The following CHD4 variants were observed in gnomAD, a reference collection of about 807,000 sequenced individuals.
CHD4 encodes ATP-dependent chromatin remodeler CHD4.
Under a neutral mutation model 235.5 loss-of-function variants are expected in CHD4, and 35 were observed. The ratio of observed to expected loss-of-function variants is 0.15; its 90% CI spans 0.11 to 0.20. CHD4 has a LOEUF of 0.20. Ranked by LOEUF, CHD4 falls within the 10% of genes least tolerant of loss-of-function variation. The probability of loss-of-function intolerance (pLI) is 1.00; values close to 1 mark genes in which losing one functional copy is unlikely to be tolerated. For missense variants in CHD4, 1,329 were observed against 2,432.3 expected (o/e 0.55, Z 9.54); for synonymous variants, 900 against 850.2 (o/e 1.06, Z -1.02).
rs1014781637 is a variant in CHD4 at position 6,573,528 on chromosome 12, A to G, written c.5362-259T>C. The G allele has an allele frequency of 1.5e-5, 4 of 272,584 alleles. No homozygotes were observed. The Admixed American group carries it at 1.6e-4, about 11-fold the overall frequency. The allele number at this position is 272,584 out of a possible 1,614,324, so 16.9% of individuals were successfully genotyped here. On this transcript the variant is annotated intron_variant, in intron 37 of 39. Coordinates refer to ENST00000544040, the MANE Select transcript of CHD4 (RefSeq NM_001273.5). ...AAAAGCGATAAAAACTCAATTTAGA[A>G]AATAGAATATCAAAAATTTTTAACA...
intron 22 of CHD4, among the ~76,000 whole-genome samples, chr12:6,589,262 C>G (rs948153462): frequency 6.6e-6 from 1 of 152,162 alleles, no homozygotes; most frequent in Non-Finnish European, 1.5e-5. Flanking sequence ...GGTCCACTGA[C>G]GAATACTAAT....
chr12:6,596,047 G>C lies in CHD4; in HGVS notation c.1983C>G (p.Ile661Met). The change falls in exon 13 of 40, where the codon ATC becomes ATG. Residue 661 changes from isoleucine (I) to methionine (M), a missense_variant. Around this residue, in one of 26 missense-constraint regions of CHD4, gnomAD observed 121 missense variants for 177.8 expected, o/e 0.68. Coordinates refer to ENST00000544040, the MANE Select transcript of CHD4 (RefSeq NM_001273.5). ...QASWESEDVE[I>M]QDYDLFKQSY... ...TCTGCTTGAACAGGTCGTAATCCTG[G>C]ATCTCCACATCCTCACTCTCCCAAG... 1.2e-6 allele frequency: 2 copies of C among 1,613,790 alleles called. No homozygotes were observed. The highest frequency in any genetic ancestry group is 1.7e-6 in the Non-Finnish European group (2 of 1,179,960).
chr12:6,605,967 C>T (rs932047430), intron 2 of CHD4, among the ~76,000 whole-genome samples: 2 of 152,194 alleles, frequency 1.3e-5, no homozygotes, highest in African/African-American at 4.8e-5. Context: ...TCCCAGCTAC[C>T]TGCATTCCTC....
rs747340253 is a variant in CHD4, at chr12:6,601,376, C to G, written c.712G>C (p.Glu238Gln). Residue 238 changes from glutamate (E) to glutamine (Q), a missense_variant, in exon 6 of 40, where the codon GAG becomes CAG. By Grantham distance (29) the Glu-to-Gln change is conservative. Transcript: ENST00000544040. ...AAAAAAVAVV[E>Q]SMVTATEVAP... ...ACCTCAGTGGCTGTCACCATGCTCTCCACCACAGCTACCGCTGCTGCTGCC... is the reference window on the plus strand; with the variant it reads ...ACCTCAGTGGCTGTCACCATGCTCTGCACCACAGCTACCGCTGCTGCTGCC... The G allele has an allele frequency of 6.2e-7, 1 of 1,614,200 alleles. No individual in the cohort carries two copies. Among genetic ancestry groups the G allele is most frequent in the Non-Finnish European group, 8.5e-7 (1 of 1,180,044 alleles).
At chr12:6,592,279 G>T in intron 19 of CHD4, 114 bp downstream of exon 19, 1 of 1,386,680 alleles carries the variant, frequency 7.2e-7, no homozygotes, top group Non-Finnish European at 9.7e-7. Context: ...GTTTCTTCAG[G>T]CCTTGCTTGC....
chr12:6,583,413 T>C, intron 25 of CHD4, 35 bp from the exon 26 acceptor site: 1 of 1,563,654 alleles, frequency 6.4e-7, no homozygotes, highest in Non-Finnish European at 8.7e-7. Context: ...TCAGGAGTGC[T>C]GAAGTCAGCA....
intron 33 of CHD4, chr12:6,580,711 A>AAAAAAACAAAAC: frequency 4.8e-6 from 1 of 209,810 alleles, no homozygotes; most frequent in Non-Finnish European, 9.0e-6. Context: ...TTTGAAAAAA[A>AAAAAAACAAAAC]AAAAAAAAAA....
In CHD4 at chr12:6,570,363, T is replaced by TGAA. The variant is rs1443886449; in HGVS notation, c.*312_*313insTTC. ...GGAGGAAAAAATTCAGATCATTTTCTTCAAGCCTGGCAGGAACCCACAACA... is the reference window on the plus strand; with the variant it reads ...GGAGGAAAAAATTCAGATCATTTTCTGAATCAAGCCTGGCAGGAACCCACAACA... On this transcript the variant is annotated 3_prime_UTR_variant, in exon 40 of 40. Coordinates refer to ENST00000544040, the MANE Select transcript of CHD4 (RefSeq NM_001273.5). 1 of 391,792 alleles carries TGAA rather than the reference T, an allele frequency of 2.6e-6. No homozygotes were observed. The highest frequency in any genetic ancestry group is 4.6e-6 in the Non-Finnish European group (1 of 218,366). The allele number at this position is 391,792 out of a possible 1,614,324, so 24.3% of individuals were successfully genotyped here.
At chr12:6,572,942 G>A in intron 38 of CHD4, 132 bp downstream of exon 38, 2 of 843,366 alleles carry the variant, frequency 2.4e-6, no homozygotes, top group South Asian at 1.8e-5. Context: ...CCCAAGGATG[G>A]CAAAGATCCC....
Position 6,587,842 on chromosome 12 carries a change from T to C in CHD4, c.3573A>G (p.Lys1191=). ...EERITQVAKK[K]MMLTHLVVRP... is the part of the protein sequence containing the mutation. ...GCACCACTAGATGCGTCAGCATCAT[T>C]TTCTTCTTTGCCACCTGCGTGATGC... Residue 1191 remains lysine, a synonymous_variant, in exon 24 of 40, where the codon AAA becomes AAG. Transcript: ENST00000544040. The C allele has an allele frequency of 3.7e-6, 6 of 1,614,238 alleles. No individual in the cohort carries two copies. Among genetic ancestry groups the C allele is most frequent in the Non-Finnish European group, 5.1e-6 (6 of 1,180,042 alleles).
At chr12:6,606,163 C>T (rs1207016932) in intron 2 of CHD4, 111 bp downstream of exon 2, 1 of 718,436 alleles carries the variant, frequency 1.4e-6, no homozygotes, top group African/African-American at 1.9e-5. Flanking sequence ...CCCTCCACCT[C>T]CGGCTCTGCA....
At chr12:6,602,317 C>T in intron 3 of CHD4, 59 bp downstream of exon 3, 1 of 1,608,840 alleles carries the variant, frequency 6.2e-7, no homozygotes, top group Non-Finnish European at 8.5e-7. Flanking sequence ...CCCTTCAACC[C>T]TTCTCAGAGC....
intron 25 of CHD4, among the ~76,000 whole-genome samples, chr12:6,585,412 T>C (rs1359409421): frequency 1.3e-5 from 2 of 151,404 alleles, no homozygotes; most frequent in South Asian, 2.1e-4. Flanking sequence ...GCCTCCCGAA[T>C]AGCTGGGACT....
chr12:6,596,154 G>C lies in CHD4; in HGVS notation c.1893-17C>G. 1 of 1,609,718 alleles carries C rather than the reference G, an allele frequency of 6.2e-7. No individual in the cohort carries two copies. The highest frequency in any genetic ancestry group is 8.5e-7 in the Non-Finnish European group (1 of 1,178,718). ...TTGTCCACACTGCAAGTCCAGGAGA[G>C]AAAACCCTCAGAGCCAGAAAAGGCA... On this transcript the variant is annotated splice_polypyrimidine_tract_variant and intron_variant, in intron 12 of 39. Coordinates refer to ENST00000544040, the MANE Select transcript of CHD4 (RefSeq NM_001273.5).
At chr12:6,596,896 T>C (rs968496017) in intron 12 of CHD4, among the ~76,000 whole-genome samples, 3 of 147,606 alleles carry the variant, frequency 2.0e-5, no homozygotes, top group Admixed American at 6.9e-5. Flanking sequence ...GAGGCGGAGG[T>C]TGCAGTGAGC....
intron 2 of CHD4, chr12:6,603,198 G>GCC (rs1218512091): frequency 6.6e-6 from 1 of 152,476 alleles, no homozygotes; most frequent in Non-Finnish European, 1.5e-5. Flanking sequence ...CCCCCAGCAA[G>GCC]CCTCCTCCCA....
chr12:6,598,346 C>T lies in CHD4; in HGVS notation c.1562G>A (p.Arg521Gln), dbSNP rs1156336984. The change falls in exon 11 of 40, where the codon CGG becomes CAG. Residue 521 changes from arginine (R) to glutamine (Q), a missense_variant. Around this residue, in one of 26 missense-constraint regions of CHD4, gnomAD observed 45 missense variants for 47.5 expected, o/e 0.95. Coordinates refer to ENST00000544040, the MANE Select transcript of CHD4 (RefSeq NM_001273.5). ...GQPPSPTPVP[R>Q]PPDADPNTPS... Reference sequence around the variant, plus strand: ...CGTGTTGGGATCAGCATCTGGAGGCCGAGGCACTGGTGTGGGAGATGGTGG... The same window carrying T: ...CGTGTTGGGATCAGCATCTGGAGGCTGAGGCACTGGTGTGGGAGATGGTGG... 4 of 1,613,970 alleles carry T rather than the reference C, an allele frequency of 2.5e-6. No individual in the cohort carries two copies. Among genetic ancestry groups the T allele is most frequent in the Non-Finnish European group, 2.5e-6 (3 of 1,179,988 alleles).
At chr12:6,600,046 C>T (rs1468683605) in intron 9 of CHD4, 34 bp from the exon 10 acceptor site, 4 of 1,606,314 alleles carry the variant, frequency 2.5e-6, no homozygotes, top group South Asian at 2.2e-5. Context: ...AGATTATTAC[C>T]CCCACCCGCC....
intron 12 of CHD4, among the ~76,000 whole-genome samples, chr12:6,596,734 A>G (rs1037018341): frequency 2.0e-5 from 3 of 151,854 alleles, no homozygotes; most frequent in Non-Finnish European, 4.4e-5. Flanking sequence ...CGGGCGGCGG[A>G]GGTTGCAGCA....
Sources: allele counts gnomAD v4.1 joint callset (sites outside exome capture counted in the v4.1 genomes callset), GRCh38; gene constraint gnomAD v4.1.1; regional missense constraint gnomAD v4.1.1; transcripts MANE v1.5; gene names NCBI Gene and HGNC (gene_info 2026-07-23, HGNC 2026-07-21).